Variants in WWOX observed in about 807,000 individuals in gnomAD.
WWOX encodes the protein WW domain containing oxidoreductase.
WWOX carries 69 observed loss-of-function variants against 46.2 expected under a neutral mutation model. The observed-to-expected ratio is 1.49, with a 90% CI of 1.23 to 1.82. WWOX has a LOEUF of 1.82. Among genes scored for constraint, WWOX ranks in the 40% most tolerant of loss-of-function variants. The pLI is 0.00. For missense variants in WWOX, 919 were observed against 542.6 expected (o/e 1.69, Z -6.89); for synonymous variants, 359 against 202.6 (o/e 1.77, Z -6.56).
chr16:78,169,078 C>T (rs967676287), intron 5 of WWOX, among the ~76,000 whole-genome samples: 1 of 152,042 alleles, frequency 6.6e-6, no homozygotes, highest in South Asian at 2.1e-4. Context: ...ATAAAGAAAA[C>T]GGGGCAGTGG....
intron 5 of WWOX, among the ~76,000 whole-genome samples, chr16:78,250,430 G>T (rs2037953723): frequency 1.3e-5 from 2 of 151,490 alleles, no homozygotes; most frequent in Admixed American, 1.3e-4. Flanking sequence ...TTTTTGGCAA[G>T]ATTAAGTGAG....
chr16:78,679,711 AT>A (rs1567485210), intron 8 of WWOX, among the ~76,000 whole-genome samples: 1 of 152,216 alleles, frequency 6.6e-6, no homozygotes, highest in East Asian at 1.9e-4. Flanking sequence ...GAAGCTCCTT[AT>A]TTTTAAGTGG....
intron 8 of WWOX, among the ~76,000 whole-genome samples, chr16:78,611,512 C>T (rs986129664): frequency 1.3e-5 from 2 of 152,178 alleles, no homozygotes; most frequent in African/African-American, 4.8e-5. Context: ...CTCCTTCCCA[C>T]AGACACTTAT....
chr16:78,644,859 A>G (rs2046803188), intron 8 of WWOX, among the ~76,000 whole-genome samples: 1 of 152,218 alleles, frequency 6.6e-6, no homozygotes. Context: ...AGCATGTAGA[A>G]GAGGATAGAT....
intron 8 of WWOX, among the ~76,000 whole-genome samples, chr16:78,686,380 G>A (rs1197927891): frequency 2.0e-5 from 3 of 151,942 alleles, no homozygotes; most frequent in Admixed American, 6.6e-5. Context: ...GCGTGGTGGC[G>A]GGCGCCTGTA....
intron 8 of WWOX, among the ~76,000 whole-genome samples, chr16:78,805,012 G>C (rs1295225421): frequency 1.3e-5 from 2 of 152,206 alleles, no homozygotes; most frequent in Admixed American, 6.5e-5. Context: ...GGGAAGCTTT[G>C]CATGAGCAAA....
At chr16:78,364,128 C>T (rs144473495) in intron 5 of WWOX, among the ~76,000 whole-genome samples, 1 of 152,204 alleles carries the variant, frequency 6.6e-6, no homozygotes, top group Non-Finnish European at 1.5e-5. Flanking sequence ...ATGTCGCTCT[C>T]TATCCGTAAC....
chr16:78,955,018 G>T (rs1053786089), intron 8 of WWOX, among the ~76,000 whole-genome samples: 3 of 152,086 alleles, frequency 2.0e-5, no homozygotes, highest in African/African-American at 7.2e-5. Context: ...TCAAACTCCT[G>T]GCTTCAAGTG....
At chr16:78,965,304 C>A (rs1460422419) in intron 8 of WWOX, among the ~76,000 whole-genome samples, 1 of 152,138 alleles carries the variant, frequency 6.6e-6, no homozygotes, top group Non-Finnish European at 1.5e-5. Context: ...CACGGTGGCT[C>A]ATGCCTATAA....
intron 8 of WWOX, chr16:79,090,018 C>CA: frequency 6.6e-6 from 1 of 151,096 alleles, no homozygotes; most frequent in Non-Finnish European, 1.5e-5. Flanking sequence ...AAGGAACTGG[C>CA]TTTGACAGGA....
At position 79,212,071 on chromosome 16, in the gene WWOX, G is replaced by C. The variant is rs902722083; in HGVS notation, c.*275G>C. ...AAGTAAAAACCTGCTTGGTGTGTAG[G>C]TTCCGTATCTCCCTGGAGAAGCACC... On this transcript the variant is annotated 3_prime_UTR_variant, in exon 9 of 9. Coordinates refer to ENST00000566780, the MANE Select transcript of WWOX (RefSeq NM_016373.4). 1.3e-6 allele frequency: 2 copies of C among 1,536,394 alleles called. No homozygotes were observed. Among genetic ancestry groups the C allele is most frequent in the Non-Finnish European group, 1.7e-6 (2 of 1,146,908 alleles).
intron 8 of WWOX, among the ~76,000 whole-genome samples, chr16:79,070,547 G>C (rs548703245): frequency 5.3e-5 from 8 of 152,282 alleles, no homozygotes; most frequent in African/African-American, 1.9e-4. Context: ...GATGAGCAAA[G>C]CTCCTTGGCA....
chr16:78,251,284 T>C (rs1442512866), intron 5 of WWOX, among the ~76,000 whole-genome samples: 1 of 152,224 alleles, frequency 6.6e-6, no homozygotes, highest in East Asian at 1.9e-4. Flanking sequence ...CAGTATGTTC[T>C]TATATGCCCT....
intron 8 of WWOX, among the ~76,000 whole-genome samples, chr16:79,068,575 A>G (rs2048485194): frequency 6.6e-6 from 1 of 151,976 alleles, no homozygotes; most frequent in Non-Finnish European, 1.5e-5. Context: ...AGGCTGAAGC[A>G]GGAGGATCAC....
At chr16:78,871,770 T>G (rs56366207) in intron 8 of WWOX, among the ~76,000 whole-genome samples, 1,555 of 152,218 alleles carry the variant, frequency 0.01, 29 homozygotes, top group African/African-American at 0.036. Flanking sequence ...CACCTAATTT[T>G]TTGTATCTTT....
intron 8 of WWOX, among the ~76,000 whole-genome samples, chr16:78,767,003 T>G (rs1271902616): frequency 1.3e-5 from 2 of 152,182 alleles, no homozygotes; most frequent in Non-Finnish European, 2.9e-5. Flanking sequence ...GAAATTGTTT[T>G]CAAGGTCAAT....
intron 5 of WWOX, among the ~76,000 whole-genome samples, chr16:78,175,349 C>T (rs1207459235): frequency 2.6e-5 from 4 of 152,196 alleles, no homozygotes; most frequent in Admixed American, 2.0e-4. Context: ...AGTCTGTCCA[C>T]AAATTCTTTG....
At chr16:78,735,381 C>G (rs998506814) in intron 8 of WWOX, among the ~76,000 whole-genome samples, 3 of 115,868 alleles carry the variant, frequency 2.6e-5, no homozygotes, top group African/African-American at 1.4e-4. Flanking sequence ...AGATGTCATA[C>G]ACACCACACA....
intron 8 of WWOX, among the ~76,000 whole-genome samples, chr16:78,506,728 T>TTTTTTTTTTTTTTTTTTTTTTTTTTTG (rs1330915138): frequency 7.5e-5 from 7 of 93,634 alleles, no homozygotes; most frequent in Non-Finnish European, 4.5e-5. Context: ...TTTTTTTTTT[T>TTTTTTTTTTTTTTTTTTTTTTTTTTTG]GTACAGAGTC....
Sources: allele counts gnomAD v4.1 joint callset (sites outside exome capture counted in the v4.1 genomes callset), GRCh38; gene constraint gnomAD v4.1.1; transcripts MANE v1.5; gene names NCBI Gene and HGNC (gene_info 2026-07-23, HGNC 2026-07-21).